Variants in GCNT1 observed in about 807,000 individuals in gnomAD.
GCNT1 encodes glucosaminyl (N-acetyl) transferase 1, also known as beta-1,3-galactosyl-O-glycosyl-glycoprotein beta-1,6-N-acetylglucosaminyltransferase.
In GCNT1, 16 loss-of-function variants were observed where a neutral mutation model predicts 26.2. The ratio of observed to expected loss-of-function variants is 0.61; its 90% CI spans 0.41 to 0.93. The LOEUF (loss-of-function observed/expected upper bound fraction) is 0.93, where lower values mean the gene tolerates loss of function less well. Among genes scored for constraint, GCNT1 ranks in the 40% least tolerant of loss-of-function variants. The probability of loss-of-function intolerance (pLI) is 0.00; values close to 1 mark genes in which losing one functional copy is unlikely to be tolerated. For synonymous variants in GCNT1, 183 were observed against 190.8 expected (o/e 0.96, Z 0.34); for missense variants, 477 against 526.7 (o/e 0.91, Z 0.92).
At chr9:76,454,760 T>G (rs1823726321), upstream of GCNT1, among the ~76,000 whole-genome samples, 1 of 151,802 alleles carries the variant, frequency 6.6e-6, no homozygotes, top group African/African-American at 2.4e-5. Context: ...GATGTGCCTC[T>G]TCCCCTGCTG....
At chr9:76,448,817 C>T (rs1470105282) in intron 1 of GCNT1, among the ~76,000 whole-genome samples, 1 of 152,174 alleles carries the variant, frequency 6.6e-6, no homozygotes, top group Non-Finnish European at 1.5e-5. Flanking sequence ...AAATGTCATT[C>T]CATTATTTTA....
chr9:76,420,287 T>C (rs1366360306), intron 1 of GCNT1: 1 of 152,232 alleles, frequency 6.6e-6, no homozygotes, highest in Non-Finnish European at 1.5e-5. Flanking sequence ...TCTATTTATA[T>C]TTTTAGAGAC....
At chr9:76,447,576 T>A (rs1159131351) in intron 1 of GCNT1, among the ~76,000 whole-genome samples, 1 of 152,146 alleles carries the variant, frequency 6.6e-6, no homozygotes, top group Non-Finnish European at 1.5e-5. Flanking sequence ...ACCTCTAACA[T>A]CTAATGTATG....
upstream of GCNT1, among the ~76,000 whole-genome samples, chr9:76,419,200 A>T (rs1373603294): frequency 1.3e-5 from 2 of 151,964 alleles, no homozygotes. Flanking sequence ...CCCCATCCCA[A>T]TCATCACCAT....
chr9:76,425,594 G>A (rs1289068435), intron 1 of GCNT1, among the ~76,000 whole-genome samples: 1 of 152,140 alleles, frequency 6.6e-6, no homozygotes, highest in East Asian at 1.9e-4. Flanking sequence ...CAGCCCAGTG[G>A]GTTCATGTTG....
the GCNT1 span, among the ~76,000 whole-genome samples, chr9:76,402,279 A>C: frequency 1.3e-5 from 2 of 152,240 alleles, no homozygotes; most frequent in Non-Finnish European, 2.9e-5. Context: ...GTTTTCCTTC[A>C]ACACTCTCAA....
chr9:76,470,502 G>A (rs951994397), intron 2 of GCNT1, among the ~76,000 whole-genome samples: 1 of 151,568 alleles, frequency 6.6e-6, no homozygotes, highest in African/African-American at 2.4e-5. Flanking sequence ...CTACTCAGGA[G>A]GCTGAGTTGG....
At chr9:76,483,411 TTTA>T (rs958691049) in intron 2 of GCNT1, among the ~76,000 whole-genome samples, 8 of 151,968 alleles carry the variant, frequency 5.3e-5, no homozygotes, top group Non-Finnish European at 1.2e-4. Flanking sequence ...GGGTTTTTTT[TTTA>T]TTGTTTTTTG....
At position 76,503,092 on chromosome 9, in the gene GCNT1, G is replaced by T; in HGVS notation, c.711G>T (p.Met237Ile). 2 of 1,614,046 alleles carry T rather than the reference G, an allele frequency of 1.2e-6. No homozygotes were observed. The highest frequency in any genetic ancestry group is 1.7e-6 in the Non-Finnish European group (2 of 1,179,968). ...LEIVRKLKLL[M>I]GENNLETERM... ...TTGTCAGGAAGCTCAAGTTGTTAATGGGAGAAAACAACCTGGAAACGGAGA... is the reference window on the plus strand; with the variant it reads ...TTGTCAGGAAGCTCAAGTTGTTAATTGGAGAAAACAACCTGGAAACGGAGA... Residue 237 changes from methionine to isoleucine, a missense_variant, in exon 4 of 4, where the codon ATG (methionine) becomes ATT (isoleucine). Met to Ile is a conservative substitution (Grantham distance 10). Transcript: ENST00000376730.
chr9:76,404,816 A>G, the GCNT1 span, among the ~76,000 whole-genome samples: 1 of 152,054 alleles, frequency 6.6e-6, no homozygotes, highest in Admixed American at 6.6e-5. Flanking sequence ...GATTATTTTA[A>G]GTCATCTTTT....
chr9:76,473,373 G>T (rs62565111), intron 2 of GCNT1, among the ~76,000 whole-genome samples: 5,681 of 152,202 alleles, frequency 0.037, 156 homozygotes, highest in Non-Finnish European at 0.056. Context: ...TCTCAGTATA[G>T]AATTGAGTAT....
At chr9:76,491,283 C>T (rs751982587) in intron 2 of GCNT1, among the ~76,000 whole-genome samples, 5 of 152,036 alleles carry the variant, frequency 3.3e-5, no homozygotes, top group Non-Finnish European at 7.4e-5. Flanking sequence ...CCTGCCTCTG[C>T]CAGCTGCTTA....
upstream of GCNT1, among the ~76,000 whole-genome samples, chr9:76,457,922 A>G (rs1378484350): frequency 6.6e-6 from 1 of 152,120 alleles, no homozygotes; most frequent in Non-Finnish European, 1.5e-5. Context: ...ACAAGCTCCT[A>G]AAATCTCAGT....
chr9:76,442,098 A>C (rs1587412747), exon 1 of GCNT1: 1 of 152,346 alleles, frequency 6.6e-6, no homozygotes, highest in East Asian at 1.9e-4. Flanking sequence ...AGCCAGAAGC[A>C]GAGGTCACAG....
intron 1 of GCNT1, among the ~76,000 whole-genome samples, chr9:76,434,237 T>A (rs1823376236): frequency 6.6e-6 from 1 of 152,204 alleles, no homozygotes; most frequent in Non-Finnish European, 1.5e-5. Context: ...AAGGGGGGAC[T>A]AATGTAGTAT....
At chr9:76,397,925 T>C in the GCNT1 span, among the ~76,000 whole-genome samples, 9 of 152,228 alleles carry the variant, frequency 5.9e-5, no homozygotes, top group Non-Finnish European at 8.8e-5. Context: ...ATTTATAATT[T>C]TTCTTCTTCA....
the GCNT1 span, among the ~76,000 whole-genome samples, chr9:76,405,703 G>A: frequency 2.0e-5 from 3 of 152,096 alleles, no homozygotes; most frequent in Non-Finnish European, 2.9e-5. Flanking sequence ...TTTCCTCCAC[G>A]TCTTCATGGC....
chr9:76,428,138 C>G (rs190768769), intron 1 of GCNT1, among the ~76,000 whole-genome samples: 1 of 151,356 alleles, frequency 6.6e-6, no homozygotes, highest in African/African-American at 2.4e-5. Context: ...TGGTGGCGGG[C>G]GCCTGTAGTC....
chr9:76,472,722 T>A (rs887072173), intron 2 of GCNT1, among the ~76,000 whole-genome samples: 1 of 63,536 alleles, frequency 1.6e-5, no homozygotes, highest in African/African-American at 4.3e-5. Context: ...AATCTTGTCT[T>A]TCTTTTCTTT....
Sources: allele counts gnomAD v4.1 joint callset (sites outside exome capture counted in the v4.1 genomes callset), GRCh38; gene constraint gnomAD v4.1.1; transcripts MANE v1.5; gene names NCBI Gene and HGNC (gene_info 2026-07-23, HGNC 2026-07-21).